Variants in HERC2 observed in about 807,000 individuals in gnomAD.
HERC2 encodes the protein HECT and RLD domain containing E3 ubiquitin protein ligase 2.
A neutral mutation model predicts 537.7 loss-of-function variants in HERC2; 102 were observed. The ratio of observed to expected loss-of-function variants is 0.19; its 90% CI spans 0.16 to 0.22. HERC2 has a LOEUF of 0.22. HERC2 is among the 10% of genes least tolerant of loss of function. The pLI, the probability that HERC2 is intolerant of heterozygous loss-of-function variation, is 1.00. For synonymous variants in HERC2, 2,224 were observed against 2,466.2 expected, an observed-to-expected ratio of 0.90 and a Z score of 2.91; for missense variants, 4,236 against 6,198.2, an observed-to-expected ratio of 0.68 and a Z score of 10.63.
At chr15:28,279,267 G>A (rs373775051) in intron 5 of HERC2, among the ~76,000 whole-genome samples, 1 of 152,190 alleles carries the variant, frequency 6.6e-6, no homozygotes. Context: ...TGGGATTACA[G>A]GCGTGAGCCA....
intron 2 of HERC2, among the ~76,000 whole-genome samples, chr15:28,305,861 G>A (rs1285866730): frequency 6.6e-6 from 1 of 151,580 alleles, no homozygotes; most frequent in Non-Finnish European, 1.5e-5. Flanking sequence ...ATCAAAAAGT[G>A]GGCGAAGGAC....
chr15:28,283,010 AAGAG>A (rs995762551), intron 4 of HERC2, among the ~76,000 whole-genome samples: 12 of 128,044 alleles, frequency 9.4e-5, no homozygotes, highest in Admixed American at 8.0e-4. Flanking sequence ...ATGGGAAGGG[AAGAG>A]AGAAAGAAAT....
intron 5 of HERC2, 60 bp downstream of exon 5, chr15:28,280,008 A>G (rs911893415): frequency 7.3e-7 from 1 of 1,361,014 alleles, no homozygotes; most frequent in Non-Finnish European, 1.0e-6. Flanking sequence ...TTTCTGAAAC[A>G]AAACAGTCTG....
intron 84 of HERC2, 48 bp downstream of exon 84, chr15:28,124,957 AG>A (rs1566918155): frequency 6.5e-7 from 1 of 1,530,686 alleles, no homozygotes; most frequent in East Asian, 2.3e-5. Flanking sequence ...AGCATGTGAC[AG>A]GAGCACACTT....
In HERC2 at chr15:28,268,589, A is replaced by G; in HGVS notation, c.1474T>C (p.Ser492Pro). 6.2e-7 allele frequency: 1 copy of G among 1,614,166 alleles called. No homozygotes were observed. Among genetic ancestry groups the G allele is most frequent in the Non-Finnish European group, 8.5e-7 (1 of 1,179,998 alleles). Residue 492 changes from serine (S) to proline (P), a missense_variant, in exon 12 of 93, where the codon TCC (serine) becomes CCC (proline). Physicochemically the swap from Ser to Pro is moderately conservative, Grantham distance 74. Transcript: ENST00000261609. The surrounding 1 kb of genome is among the most constrained non-coding windows in gnomAD (Gnocchi z 4.7). ...GCAGCAATTTTTACAATGTTTCTGG[A>G]GGCAAGGCCTTGGACCAGCTGTGGG... The part of the protein sequence containing the change: ...LAPQLVQGLA[S>P]RNIVKIAAHS...
At chr15:28,191,081 A>T (rs1373296846) in intron 54 of HERC2, 25 bp from the exon 55 acceptor site, 1 of 1,592,770 alleles carries the variant, frequency 6.3e-7, no homozygotes, top group East Asian at 2.2e-5. Context: ...GTAAAGAATC[A>T]AACAAAGGCG....
At chr15:28,207,620 C>A (rs1313770458) in intron 44 of HERC2, among the ~76,000 whole-genome samples, 1 of 152,106 alleles carries the variant, frequency 6.6e-6, no homozygotes, top group Non-Finnish European at 1.5e-5. Context: ...GCTTTAGGTG[C>A]AGCCTTTAGG....
At chr15:28,251,263 G>T (rs556432239) in intron 20 of HERC2, among the ~76,000 whole-genome samples, 32 of 150,390 alleles carry the variant, frequency 2.1e-4, no homozygotes, top group Non-Finnish European at 4.3e-4. Context: ...GCCAACATGG[G>T]GAAACCCCAT....
chr15:28,192,941 T>TC (rs1474620378), intron 52 of HERC2, among the ~76,000 whole-genome samples: 1 of 151,032 alleles, frequency 6.6e-6, no homozygotes, highest in Non-Finnish European at 1.5e-5. Flanking sequence ...TTTTTTTTTT[T>TC]CCAACAGATT....
intron 2 of HERC2, among the ~76,000 whole-genome samples, chr15:28,315,086 A>G (rs946014380): frequency 1.3e-5 from 2 of 152,188 alleles, no homozygotes; most frequent in African/African-American, 4.8e-5. Context: ...ATGAGCTGCA[A>G]ATACAACCAA....
chr15:28,142,255 G>A lies in HERC2; in HGVS notation c.11683C>T (p.Arg3895Cys), dbSNP rs372855047. ...TGCAATACCTCATCAAGAAACAGAC[G>A]GGGCAACGGTGTTCTTTTGTCAAGG... ...VALDKRTPLP[R>C]LFLDEVAKKI... The change falls in exon 76 of 93, where the codon CGT becomes TGT. Residue 3895 changes from arginine to cysteine, a missense_variant. Arg to Cys is a radical substitution (Grantham distance 180). Coordinates refer to ENST00000261609, the MANE Select transcript of HERC2 (RefSeq NM_004667.6). 1.4e-5 allele frequency: 22 copies of A among 1,613,868 alleles called. No individual in the cohort carries two copies. The highest frequency in any genetic ancestry group is 6.7e-5 in the African/African-American group (5 of 74,900).
At chr15:28,215,514 C>A in intron 39 of HERC2, 107 bp downstream of exon 39, 3 of 826,862 alleles carry the variant, frequency 3.6e-6, no homozygotes, top group Non-Finnish European at 3.9e-6. Flanking sequence ...CACTTCTAGA[C>A]CCTTTCTGCA....
chr15:28,206,629 C>G (rs1027243043), intron 44 of HERC2, among the ~76,000 whole-genome samples: 58 of 151,736 alleles, frequency 3.8e-4, no homozygotes, highest in African/African-American at 1.2e-3. Flanking sequence ...GTCAGGATAT[C>G]AAGACCATCC....
intron 65 of HERC2, among the ~76,000 whole-genome samples, chr15:28,170,874 A>C (rs1894627396): frequency 1.3e-5 from 2 of 152,206 alleles, no homozygotes; most frequent in East Asian, 3.8e-4. Context: ...ATGGACAGTA[A>C]ATAAGCACAT....
chr15:28,287,891 T>A (rs1203262671), intron 4 of HERC2, among the ~76,000 whole-genome samples: 1 of 151,906 alleles, frequency 6.6e-6, no homozygotes, highest in Non-Finnish European at 1.5e-5. Context: ...GCCCAGCTAA[T>A]TTTTTTGTAT....
At chr15:28,209,586 G>A (rs1261960801) in intron 44 of HERC2, among the ~76,000 whole-genome samples, 2 of 152,088 alleles carry the variant, frequency 1.3e-5, no homozygotes, top group African/African-American at 2.4e-5. Context: ...CTCGTGATCT[G>A]CCCGCCTTAG....
At chr15:28,291,837 G>A (rs375192636) in intron 4 of HERC2, among the ~76,000 whole-genome samples, 6 of 149,776 alleles carry the variant, frequency 4.0e-5, no homozygotes, top group Admixed American at 1.3e-4. Context: ...CCCGGGAAGC[G>A]GAGGTTGCAG....
At chr15:28,291,955 C>T (rs2076327053) in intron 4 of HERC2, among the ~76,000 whole-genome samples, 1 of 143,868 alleles carries the variant, frequency 7.0e-6, no homozygotes, top group Non-Finnish European at 1.5e-5. Context: ...GGGCCAGGTG[C>T]AGTGGCTCAT....
Position 28,152,821 on chromosome 15 carries a change from T to C in HERC2, c.10756A>G (p.Met3586Val). The C allele has an allele frequency of 6.4e-7, 1 of 1,562,222 alleles. No homozygotes were observed. Among genetic ancestry groups the C allele is most frequent in the Non-Finnish European group, 8.7e-7 (1 of 1,152,514 alleles). The change falls in exon 70 of 93, where the codon ATG (methionine) becomes GTG (valine). Residue 3586 changes from methionine (M) to valine (V), a missense_variant. Met to Val is a conservative substitution (Grantham distance 21). Coordinates refer to ENST00000261609, the MANE Select transcript of HERC2 (RefSeq NM_004667.6). ...MGTAYPQVAD[M>V]LLELCVTELE... ...TCGGTGACACAGAGCTCCAACAGCA[T>C]ATCTGCCACCTGGAGAGGAAGCAAG...
Sources: allele counts gnomAD v4.1 joint callset (sites outside exome capture counted in the v4.1 genomes callset), GRCh38; gene constraint gnomAD v4.1.1; non-coding constraint Gnocchi (gnomAD v3.1); transcripts MANE v1.5; gene names NCBI Gene and HGNC (gene_info 2026-07-23, HGNC 2026-07-21).